DDX52: variants seen among roughly 807,000 people sequenced by gnomAD.
DDX52 encodes the protein probable ATP-dependent RNA helicase DDX52.
DDX52 carries 59 observed loss-of-function variants against 76.1 expected under a neutral mutation model. The ratio of observed to expected loss-of-function variants is 0.78; its 90% CI spans 0.63 to 0.96. The LOEUF (loss-of-function observed/expected upper bound fraction) is 0.96. Ranked by LOEUF, DDX52 falls within the 40% of genes least tolerant of loss-of-function variation. The pLI is 0.00. For missense variants in DDX52, 707 were observed against 703.9 expected (o/e 1.00, Z -0.05); for synonymous variants, 231 against 244.1 (o/e 0.95, Z 0.50).
intron 2 of DDX52, 33 bp downstream of exon 2, chr17:37,642,077 A>C (rs1005938058): frequency 6.2e-7 from 1 of 1,606,720 alleles, no homozygotes; most frequent in Non-Finnish European, 8.5e-7. Flanking sequence ...AAAAAATTAA[A>C]GAGAAAAAAC....
rs997893991 is a variant in DDX52, at chr17:37,611,439, A to G, written c.*2857T>C. 34 of 152,230 alleles carry G rather than the reference A, an allele frequency of 2.2e-4. 1 individual carries two copies. Among genetic ancestry groups the G allele is most frequent in the Admixed American group, 2.2e-3 (34 of 15,286 alleles). 9.4% of individuals were successfully genotyped at this position (152,230 alleles called of 1,614,324 possible). ...ATATAAAGAAATAAAGTATTTTTCT[A>G]CAGCTGTACATTTGCATTTTAGGCT... On this transcript the variant is annotated 3_prime_UTR_variant, in exon 15 of 15. Coordinates refer to ENST00000617633, the MANE Select transcript of DDX52 (RefSeq NM_007010.5).
intron 12 of DDX52, chr17:37,620,383 C>T (rs563882764): frequency 1.8e-4 from 29 of 162,878 alleles, no homozygotes; most frequent in Non-Finnish European, 2.9e-4. Context: ...CCTCTACACA[C>T]GCACATTTGA....
chr17:37,626,665 G>T, intron 7 of DDX52, 123 bp downstream of exon 7: 1 of 902,866 alleles, frequency 1.1e-6, no homozygotes, highest in Non-Finnish European at 1.8e-6. Flanking sequence ...TATTCTCAGT[G>T]CCAACACTGA....
At chr17:37,642,398 C>T (rs2031248040) in intron 1 of DDX52, 90 bp from the exon 2 acceptor site, 1 of 1,398,904 alleles carries the variant, frequency 7.1e-7, no homozygotes, top group Admixed American at 2.4e-5. Context: ...CTCATCTTTT[C>T]TACCCTTTCA....
chr17:37,620,848 C>G (rs745615329), intron 12 of DDX52, 25 bp downstream of exon 12: 1 of 1,574,988 alleles, frequency 6.3e-7, no homozygotes, highest in South Asian at 1.2e-5. Context: ...TTGCCAATAA[C>G]ACTAGGTTAT....
intron 6 of DDX52, among the ~76,000 whole-genome samples, chr17:37,627,655 A>C (rs2030455289): frequency 6.6e-6 from 1 of 152,204 alleles, no homozygotes; most frequent in Admixed American, 6.5e-5. Flanking sequence ...AGATTTAAAC[A>C]AAACAAAACA....
chr17:37,632,576 C>A (rs554914502), intron 3 of DDX52, among the ~76,000 whole-genome samples: 38 of 152,234 alleles, frequency 2.5e-4, no homozygotes, highest in South Asian at 1.7e-3. Flanking sequence ...GGCATTGAAC[C>A]CATCTACTAT....
chr17:37,622,302 T>C (rs992775841), intron 9 of DDX52, among the ~76,000 whole-genome samples: 1 of 106,204 alleles, frequency 9.4e-6, no homozygotes, highest in Admixed American at 1.0e-4. Context: ...TTTTTTTTTC[T>C]TTTTTTTTTG....
intron 2 of DDX52, among the ~76,000 whole-genome samples, chr17:37,636,990 G>A (rs182544009): frequency 6.6e-6 from 1 of 152,050 alleles, no homozygotes; most frequent in Admixed American, 6.6e-5. Context: ...TTCAAGATAG[G>A]GTTTTGTTCT....
At chr17:37,615,919 CAGG>C (rs1488489100) in intron 14 of DDX52, among the ~76,000 whole-genome samples, 1 of 151,500 alleles carries the variant, frequency 6.6e-6, no homozygotes. Context: ...GAGGCTGAGG[CAGG>C]AGAATCACTT....
At chr17:37,635,608 A>T (rs4622555) in intron 2 of DDX52, 146,515 of 455,654 alleles carry the variant, frequency 0.32, 30,354 homozygotes, top group African/African-American at 0.72. Flanking sequence ...CATTCACCTG[A>T]TGAGGGACAT....
intron 4 of DDX52, 83 bp from the exon 5 acceptor site, chr17:37,630,256 GA>G (rs2030612769): frequency 1.5e-6 from 2 of 1,354,388 alleles, no homozygotes; most frequent in Non-Finnish European, 2.0e-6. Context: ...ACCAGCCATA[GA>G]AAAAAACAAA....
At position 37,618,503 on chromosome 17, in the gene DDX52, C is replaced by CG. The variant is rs369135145; in HGVS notation, c.1650-120dup. On this transcript the variant is annotated intron_variant, in intron 13 of 14. Coordinates refer to ENST00000617633, the MANE Select transcript of DDX52 (RefSeq NM_007010.5). ...TTCATTTTTTTTTTTTCCTTTGAGA[C>CG]GGAGTTTTGCTCTTGTTGCCCAGGC... The CG allele has an allele frequency of 1.7e-3, 1,386 of 826,122 alleles. 8 individuals carry two copies. The African/African-American group carries it at 0.022, about 13-fold the overall frequency. 51.2% of individuals were successfully genotyped at this position (826,122 alleles called of 1,614,324 possible).
intron 2 of DDX52, among the ~76,000 whole-genome samples, chr17:37,633,940 CT>C (rs557054736): frequency 0.12 from 16,039 of 129,832 alleles, 600 homozygotes; most frequent in South Asian, 0.2. Flanking sequence ...AATTTCTTTC[CT>C]TTTTTTTTTT....
chr17:37,636,229 A>G (rs532227951), intron 2 of DDX52, among the ~76,000 whole-genome samples: 10 of 152,292 alleles, frequency 6.6e-5, no homozygotes, highest in Non-Finnish European at 1.0e-4. Context: ...TATAGTTTTA[A>G]AACTTCAGTC....
rs2030775622 is a variant in DDX52 at position 37,633,383 on chromosome 17, A to G, written c.322T>C (p.Trp108Arg). ...ATCTTTGCTTCTACAGATGACATCC[A>G]CTGTATAGTAGCACCTTCTTCTTGG... ...ASQEEGATIQ[W>R]MSSVEAKIED... is the part of the protein sequence containing the mutation. Residue 108 changes from tryptophan to arginine, a missense_variant, in exon 3 of 15, where the codon TGG (tryptophan) becomes CGG (arginine). By Grantham distance (101) the Trp-to-Arg change is moderately radical (BLOSUM62 -3). Transcript: ENST00000617633. 1 of 1,606,876 alleles carries G rather than the reference A, an allele frequency of 6.2e-7. No homozygotes were observed. Among genetic ancestry groups the G allele is most frequent in the South Asian group, 1.1e-5 (1 of 89,144 alleles).
intron 2 of DDX52, among the ~76,000 whole-genome samples, chr17:37,634,860 C>T (rs976784033): frequency 1.3e-5 from 2 of 150,032 alleles, no homozygotes; most frequent in Non-Finnish European, 3.0e-5. Context: ...GTCACCCAGG[C>T]TGGAGTGCAG....
At position 37,610,503 on chromosome 17, in the gene DDX52, A is replaced by T. The variant is rs895112640; in HGVS notation, c.*3793T>A. The T allele has an allele frequency of 6.6e-6, 1 of 152,038 alleles. No homozygotes were observed. Among genetic ancestry groups the T allele is most frequent in the African/African-American group, 2.4e-5 (1 of 41,400 alleles). The allele number at this position is 152,038 out of a possible 1,614,324, so 9.4% of individuals were successfully genotyped here. On this transcript the variant is annotated 3_prime_UTR_variant, in exon 15 of 15. Coordinates refer to ENST00000617633, the MANE Select transcript of DDX52 (RefSeq NM_007010.5). ...AGTTGAGTAATTTTCTCAAGCACGT[A>T]GTTTGCTTGCTAACAAGTAATGGAT...
chr17:37,643,103 C>T, intron 1 of DDX52: 1 of 405,450 alleles, frequency 2.5e-6, no homozygotes, highest in Non-Finnish European at 4.4e-6. Context: ...AAGAGGGTTT[C>T]CGTGCCAGGC....
Sources: gnomAD v4.1 joint callset for allele counts (sites outside exome capture counted in the v4.1 genomes callset) on GRCh38, gnomAD v4.1.1 for gene constraint, MANE v1.5 for transcripts, NCBI Gene and HGNC (gene_info 2026-07-23, HGNC 2026-07-21) for gene names.